PGBD2: variants seen among roughly 807,000 people sequenced by gnomAD.
PGBD2 encodes piggyBac transposable element-derived protein 2.
PGBD2 carries 6 observed loss-of-function variants against 8.1 expected under a neutral mutation model. That is an observed-to-expected ratio of 0.74 (90% CI 0.40 to 1.46). PGBD2 has a LOEUF of 1.46. Among genes scored for constraint, PGBD2 ranks in the 40% most tolerant of loss-of-function variants. The pLI, the probability that PGBD2 is intolerant of heterozygous loss-of-function variation, is 0.02. For synonymous variants in PGBD2, 318 were observed against 272.2 expected, an observed-to-expected ratio of 1.17 and a Z score of -1.66; for missense variants, 802 against 739.0, an observed-to-expected ratio of 1.09 and a Z score of -0.99.
chr1:248,917,108 C>T lies in PGBD2; in HGVS notation c.524C>T (p.Thr175Met), dbSNP rs755181718. Residue 175 changes from threonine to methionine, a missense_variant, in exon 3 of 3, where the codon ACG becomes ATG. Physicochemically the swap from Thr to Met is moderately conservative, Grantham distance 81. Coordinates refer to ENST00000329291, the MANE Select transcript of PGBD2 (RefSeq NM_170725.3). ...AWQKNVNLSL[T>M]AQELKCVLGI... ...CAGAAAAATGTCAATTTGAGTCTTA[C>T]GGCTCAGGAATTGAAGTGTGTTTTG... 2.7e-5 allele frequency: 43 copies of T among 1,613,818 alleles called. No individual in the cohort carries two copies. Among genetic ancestry groups the T allele is most frequent in the Non-Finnish European group, 3.1e-5 (36 of 1,179,996 alleles).
the PGBD2 span, among the ~76,000 whole-genome samples, chr1:248,876,228 G>A: frequency 6.6e-6 from 1 of 152,116 alleles, no homozygotes; most frequent in Non-Finnish European, 1.5e-5. Flanking sequence ...GGCTGTTCTC[G>A]AACTCCCAAC....
downstream of PGBD2, among the ~76,000 whole-genome samples, chr1:248,920,773 G>A (rs371034180): frequency 1.1e-4 from 16 of 152,248 alleles, no homozygotes; most frequent in East Asian, 2.1e-3. Context: ...GTGTAAAAGC[G>A]TCCCTATTTC....
the PGBD2 span, among the ~76,000 whole-genome samples, chr1:248,881,181 C>A: frequency 1.3e-5 from 2 of 152,140 alleles, no homozygotes; most frequent in South Asian, 2.1e-4. Context: ...AGAAAATTAG[C>A]TTAAGCAGTT....
the PGBD2 span, among the ~76,000 whole-genome samples, chr1:248,873,828 T>C: frequency 6.6e-6 from 1 of 152,216 alleles, no homozygotes; most frequent in Non-Finnish European, 1.5e-5. Context: ...AGTATGAGGC[T>C]AAGTGAGAAG....
chr1:248,877,897 T>A, the PGBD2 span, among the ~76,000 whole-genome samples: 1 of 152,170 alleles, frequency 6.6e-6, no homozygotes, highest in Non-Finnish European at 1.5e-5. Context: ...GCAAGTAAAA[T>A]TGGATTGAAG....
Position 248,917,852 on chromosome 1 carries a change from C to T in PGBD2, c.1268C>T (p.Ser423Phe), listed in dbSNP as rs766997671. ...GATAGCAGCGTGGTCAACATTTGCT[C>T]CAATGCTGTGGGCATAGAGCCAGTG... ...WHDSSVVNIC[S>F]NAVGIEPVRL... Residue 423 changes from serine to phenylalanine, a missense_variant, in exon 3 of 3, where the codon TCC becomes TTC. Transcript: ENST00000329291. The T allele has an allele frequency of 1.4e-5, 22 of 1,614,062 alleles. No homozygotes were observed. The highest frequency in any genetic ancestry group is 1.6e-4 in the Middle Eastern group (1 of 6,084).
the PGBD2 span, among the ~76,000 whole-genome samples, chr1:248,887,599 C>T: frequency 1.3e-5 from 2 of 151,994 alleles, no homozygotes; most frequent in African/African-American, 2.4e-5. Context: ...ATGATGGGAG[C>T]GAAACACACC....
chr1:248,877,814 C>G, the PGBD2 span, among the ~76,000 whole-genome samples: 1 of 152,138 alleles, frequency 6.6e-6, no homozygotes, highest in Non-Finnish European at 1.5e-5. Flanking sequence ...CATGTTGTCT[C>G]AAGTGAATAA....
chr1:248,924,341 C>A (rs74322946), downstream of PGBD2, among the ~76,000 whole-genome samples: 1,797 of 152,278 alleles, frequency 0.012, 15 homozygotes, highest in Non-Finnish European at 0.019. Context: ...TCACTGTAGC[C>A]CTTGACAGAA....
At chr1:248,907,773 G>T (rs1171231039) in intron 1 of PGBD2, among the ~76,000 whole-genome samples, 1 of 152,180 alleles carries the variant, frequency 6.6e-6, no homozygotes, top group Non-Finnish European at 1.5e-5. Flanking sequence ...GAGCAAAGAG[G>T]TTGGGGCAAA....
chr1:248,907,814 C>G (rs1224365901), intron 1 of PGBD2, among the ~76,000 whole-genome samples: 2 of 152,182 alleles, frequency 1.3e-5, no homozygotes, highest in African/African-American at 4.8e-5. Context: ...CAGGGCAAAG[C>G]AATTGTTCAA....
the PGBD2 span, among the ~76,000 whole-genome samples, chr1:248,883,804 A>G: frequency 9.9e-5 from 15 of 151,138 alleles, no homozygotes; most frequent in South Asian, 2.1e-4. Flanking sequence ...TCACCATGTT[A>G]GCCAGGATGG....
At chr1:248,910,423 T>C (rs1661829482) in intron 1 of PGBD2, among the ~76,000 whole-genome samples, 1 of 152,216 alleles carries the variant, frequency 6.6e-6, no homozygotes, top group Non-Finnish European at 1.5e-5. Context: ...ACATTGACTC[T>C]TACTGTTTTC....
the PGBD2 span, among the ~76,000 whole-genome samples, chr1:248,875,308 C>CAAAAAAAAAAAAAAAAAAAAAAAAAA: frequency 9.1e-6 from 1 of 110,248 alleles, no homozygotes; most frequent in Non-Finnish European, 1.8e-5. Flanking sequence ...AAAAACAAAA[C>CAAAAAAAAAAAAAAAAAAAAAAAAAA]AAAAAAAAAA....
intron 2 of PGBD2, among the ~76,000 whole-genome samples, chr1:248,914,958 C>G (rs1662041371): frequency 6.6e-6 from 1 of 152,208 alleles, no homozygotes; most frequent in South Asian, 2.1e-4. Flanking sequence ...GCCTGTGGTT[C>G]TTTCTCTCTG....
chr1:248,876,108 A>C, the PGBD2 span, among the ~76,000 whole-genome samples: 1 of 151,656 alleles, frequency 6.6e-6, no homozygotes, highest in Non-Finnish European at 1.5e-5. Context: ...TCCCTGGTTC[A>C]AGCGATTCTC....
At chr1:248,889,928 CTT>C in the PGBD2 span, among the ~76,000 whole-genome samples, 32 of 135,964 alleles carry the variant, frequency 2.4e-4, no homozygotes, top group African/African-American at 2.8e-4. Context: ...TTTTTCTTTT[CTT>C]TTTTTTTTTT....
intron 2 of PGBD2, 111 bp from the exon 3 acceptor site, chr1:248,916,491 G>A: frequency 1.2e-6 from 1 of 841,568 alleles, no homozygotes; most frequent in East Asian, 2.5e-5. Context: ...TGCCAGATCT[G>A]TGAAGCCATT....
the PGBD2 span, among the ~76,000 whole-genome samples, chr1:248,873,781 T>G: frequency 6.6e-6 from 1 of 152,222 alleles, no homozygotes; most frequent in Non-Finnish European, 1.5e-5. Context: ...CGGCCGCAAC[T>G]CGGGTGTGAC....
Sources: allele counts gnomAD v4.1 joint callset (sites outside exome capture counted in the v4.1 genomes callset), GRCh38; gene constraint gnomAD v4.1.1; transcripts MANE v1.5; gene names NCBI Gene and HGNC (gene_info 2026-07-23, HGNC 2026-07-21).